The following IGSF9B variants were observed in gnomAD, a reference collection of about 807,000 sequenced individuals.
The protein encoded by IGSF9B is immunoglobulin superfamily member 9B.
In IGSF9B, 48 loss-of-function variants were observed where a neutral mutation model predicts 143.7. The ratio of observed to expected loss-of-function variants is 0.33; its 90% CI spans 0.26 to 0.42. IGSF9B has a LOEUF of 0.42. IGSF9B is among the 20% of genes least tolerant of loss of function. The probability of loss-of-function intolerance (pLI) is 1.00; values close to 1 mark genes in which losing one functional copy is unlikely to be tolerated. For synonymous variants in IGSF9B, 903 were observed against 833.1 expected (o/e 1.08, Z -1.44); for missense variants, 1,706 against 1,980.0 (o/e 0.86, Z 2.63).
At chr11:133,955,055 G>A (rs1301483469) in intron 1 of IGSF9B, among the ~76,000 whole-genome samples, 4 of 152,160 alleles carry the variant, frequency 2.6e-5, no homozygotes, top group Non-Finnish European at 5.9e-5. Flanking sequence ...TTCCTTCAGC[G>A]TCTCTTTTCT....
chr11:133,930,252 G>C (rs114061181), intron 11 of IGSF9B, among the ~76,000 whole-genome samples: 4 of 152,092 alleles, frequency 2.6e-5, no homozygotes, highest in African/African-American at 9.7e-5. Context: ...TTCGATTCCC[G>C]GACCCACTAC....
chr11:133,955,598 C>G (rs1231522758), intron 1 of IGSF9B, among the ~76,000 whole-genome samples: 1 of 152,202 alleles, frequency 6.6e-6, no homozygotes, highest in Non-Finnish European at 1.5e-5. Context: ...TCTCCTCCGG[C>G]TTGGTGAACT....
chr11:133,914,756 G>T (rs1939351490), intron 18 of IGSF9B, among the ~76,000 whole-genome samples: 1 of 152,184 alleles, frequency 6.6e-6, no homozygotes, highest in Admixed American at 6.5e-5. Context: ...AGGAAGCAGG[G>T]CAGGCAAAAT....
chr11:133,920,205 G>GGGGCTC lies in IGSF9B; in HGVS notation c.3514_3519dup (p.Glu1172_Pro1173dup). 6 of 1,515,176 alleles carry GGGGCTC rather than the reference G, an allele frequency of 4.0e-6. No homozygotes were observed. The highest frequency in any genetic ancestry group is 4.4e-6 in the Non-Finnish European group (5 of 1,132,404). 93.9% of individuals were successfully genotyped at this position (1,515,176 alleles called of 1,614,324 possible). Reference sequence around the variant, plus strand: ...CGAGGGCTAGGCCGGGGCCGGGGCTGGGGCTCATACCACCGGGTGTCCAGG... The same window carrying GGGGCTC: ...CGAGGGCTAGGCCGGGGCCGGGGCTGGGGCTCGGGCTCATACCACCGGGTGTCCAGG... On this transcript the variant is annotated inframe_insertion, in exon 18 of 20. Coordinates refer to ENST00000533871, the MANE Select transcript of IGSF9B (RefSeq NM_001277285.4).
intron 1 of IGSF9B, 46 bp from the exon 2 acceptor site, chr11:133,946,304 G>C (rs756842081): frequency 9.7e-6 from 15 of 1,545,168 alleles, no homozygotes; most frequent in African/African-American, 1.4e-5. Flanking sequence ...GTGACAAAGA[G>C]ATCCTGCCCC....
Position 133,902,730 on chromosome 11 carries a change from G to A in IGSF9B, c.*6339C>T, listed in dbSNP as rs181227763. ...GCCCTGCCAGGACACCGTCGGCCAT[G>A]GCACACCTCTCGTTGTTCATGGGAG... On this transcript the variant is annotated 3_prime_UTR_variant, in exon 20 of 20. Coordinates refer to ENST00000533871, the MANE Select transcript of IGSF9B (RefSeq NM_001277285.4). Among the ~76,000 whole-genome samples, 232 of 152,222 alleles carry A rather than the reference G, an allele frequency of 1.5e-3. 2 individuals carry two copies. Among genetic ancestry groups the A allele is most frequent in the African/African-American group, 5.3e-3 (221 of 41,532 alleles).
Position 133,908,454 on chromosome 11 carries a change from C to G in IGSF9B, c.*615G>C, listed in dbSNP as rs896999328. ...TCTTGTTTTGGGAGAAAGAATCCCC[C>G]AAGACAGATGTCAGGCACCTGGCCA... On this transcript the variant is annotated 3_prime_UTR_variant, in exon 20 of 20. Coordinates refer to ENST00000533871, the MANE Select transcript of IGSF9B (RefSeq NM_001277285.4). 1.3e-5 allele frequency: 2 copies of G among 151,980 alleles called. No individual in the cohort carries two copies. The highest frequency in any genetic ancestry group is 2.9e-5 in the Non-Finnish European group (2 of 68,020). The allele number at this position is 151,980 out of a possible 1,614,324, so 9.4% of individuals were successfully genotyped here.
chr11:133,921,498 C>A (rs1939537956), intron 17 of IGSF9B, 101 bp from the exon 18 acceptor site: 2 of 895,628 alleles, frequency 2.2e-6, no homozygotes, highest in South Asian at 4.2e-5. Flanking sequence ...CCAGGATCCT[C>A]ACGCTCAAGA....
rs1474071459 is a variant in IGSF9B at position 133,899,110 on chromosome 11, T to G, written c.*9959A>C. On this transcript the variant is annotated 3_prime_UTR_variant, in exon 20 of 20. Coordinates refer to ENST00000533871, the MANE Select transcript of IGSF9B (RefSeq NM_001277285.4). ...AGCAAGACAGAAACAACTCCTCAGA[T>G]ACCTCCACCTTCTACCAAAGGGAAA... 4.6e-5 allele frequency: 7 copies of G among 152,266 alleles called. No individual in the cohort carries two copies. The highest frequency in any genetic ancestry group is 8.8e-5 in the Non-Finnish European group (6 of 68,096). The allele number at this position is 152,266 out of a possible 1,614,324, so 9.4% of individuals were successfully genotyped here.
rs1204121159 is a variant in IGSF9B, at chr11:133,929,567, G to A, written c.1631+104C>T. 3 of 781,982 alleles carry A rather than the reference G, an allele frequency of 3.8e-6. 1 individual carries two copies. The South Asian group carries it at 4.8e-5, about 12-fold the overall frequency. 48.4% of individuals were successfully genotyped at this position (781,982 alleles called of 1,614,324 possible). A position where few individuals can be genotyped will look rare whatever the true frequency, so the allele number is the denominator to read the frequency against. ...GTGCAGGGCTGGCAGGCCAGGAACT[G>A]CAGCCTCCTCCTACCTCCCCCCACC... On this transcript the variant is annotated intron_variant, in intron 12 of 19. Coordinates refer to ENST00000533871, the MANE Select transcript of IGSF9B (RefSeq NM_001277285.4).
Position 133,928,634 on chromosome 11 carries a change from T to C in IGSF9B, c.1631+1037A>G, listed in dbSNP as rs1464635630. ...AGGGGCTCGCCCTCCCAGCTCAAGG[T>C]TGTCACCCCCGGGGCAGGGCAGGTG... is the stretch of plus-strand genomic sequence containing the variant. On this transcript the variant is annotated intron_variant, in intron 12 of 19. Coordinates refer to ENST00000533871, the MANE Select transcript of IGSF9B (RefSeq NM_001277285.4). The surrounding 1 kb of genome is among the most constrained non-coding windows in gnomAD (Gnocchi z 4.7). 1.3e-5 allele frequency among the ~76,000 whole-genome samples: 2 copies of C among 152,068 alleles called. No individual in the cohort carries two copies.
rs1318872732 is a variant in IGSF9B at position 133,948,410 on chromosome 11, TC to T, written c.65-2153del. ...TGAGGCCCCAGCATGCTTCCCAATT[TC>T]CCCCACCCCCAACCTTGCTTCAGGC... On this transcript the variant is annotated intron_variant, in intron 1 of 19. Transcript: ENST00000533871. The surrounding 1 kb of genome is among the most constrained non-coding windows in gnomAD (Gnocchi z 4.7). Among the ~76,000 whole-genome samples the T allele has an allele frequency of 6.6e-6, 1 of 151,944 alleles. No individual in the cohort carries two copies. The highest frequency in any genetic ancestry group is 2.4e-5 in the African/African-American group (1 of 41,342).
intron 16 of IGSF9B, 47 bp from the exon 17 acceptor site, chr11:133,922,269 C>T (rs756496119): frequency 1.3e-6 from 2 of 1,532,206 alleles, no homozygotes; most frequent in South Asian, 2.3e-5. Flanking sequence ...AAGCCAGCAA[C>T]CACGCAGCAC....
intron 7 of IGSF9B, among the ~76,000 whole-genome samples, 168 bp from the exon 8 acceptor site, chr11:133,932,381 C>A (rs973237485): frequency 1.5e-5 from 2 of 133,398 alleles, no homozygotes; most frequent in Admixed American, 7.9e-5. Context: ...GACACGGGGA[C>A]AGACAGACAG....
In IGSF9B at chr11:133,944,266, C is replaced by A. The variant is rs765216332; in HGVS notation, c.363G>T (p.Gln121His). Residue 121 changes from glutamine (Q) to histidine (H), a missense_variant, in exon 3 of 20, where the codon CAG becomes CAT. Gln to His is a conservative substitution (Grantham distance 24). This residue lies in a region of IGSF9B where 171 missense variants were observed against 213.9 expected (regional missense o/e 0.80). Coordinates refer to ENST00000533871, the MANE Select transcript of IGSF9B (RefSeq NM_001277285.4). Reference sequence around the variant, plus strand: ...AGCTGCCATTGTGGAAGGTGTCATACTGCTGGTCCAGCATGAGCACTTTGC... The same window carrying A: ...AGCTGCCATTGTGGAAGGTGTCATAATGCTGGTCCAGCATGAGCACTTTGC... ...YECKVLMLDQQYDTFHNGSWV... is the reference protein window; with the variant it reads ...YECKVLMLDQHYDTFHNGSWV... 3 of 1,613,532 alleles carry A rather than the reference C, an allele frequency of 1.9e-6. No homozygotes were observed. In the Admixed American group the frequency reaches 5.0e-5, roughly 27 times the overall value.
intron 18 of IGSF9B, among the ~76,000 whole-genome samples, chr11:133,917,193 C>CTG (rs776393467): frequency 6.6e-6 from 1 of 152,210 alleles, no homozygotes; most frequent in Non-Finnish European, 1.5e-5. Flanking sequence ...TGCCCGATGC[C>CTG]TGTGTGTGCC....
chr11:133,939,114 C>T (rs984717633), intron 3 of IGSF9B, among the ~76,000 whole-genome samples: 12 of 152,310 alleles, frequency 7.9e-5, no homozygotes, highest in African/African-American at 2.4e-4. Context: ...TCCCTCCCAG[C>T]GCACTCCAAC....
chr11:133,910,840 G>A (rs1375592356), intron 19 of IGSF9B, among the ~76,000 whole-genome samples: 1 of 152,120 alleles, frequency 6.6e-6, no homozygotes, highest in Non-Finnish European at 1.5e-5. Context: ...ATATATTGAT[G>A]GGTCTTAAAT....
chr11:133,938,565 T>A (rs1483849167), intron 3 of IGSF9B, among the ~76,000 whole-genome samples: 1 of 152,240 alleles, frequency 6.6e-6, no homozygotes, highest in Non-Finnish European at 1.5e-5. Flanking sequence ...CCCCCCTGCA[T>A]TGGAGATTTG....
Sources: allele counts gnomAD v4.1 joint callset (sites outside exome capture counted in the v4.1 genomes callset), GRCh38; gene constraint gnomAD v4.1.1; regional missense constraint gnomAD v4.1.1; non-coding constraint Gnocchi (gnomAD v3.1); transcripts MANE v1.5; gene names NCBI Gene and HGNC (gene_info 2026-07-23, HGNC 2026-07-21).